PARP8: variants seen among roughly 807,000 people sequenced by gnomAD.
PARP8 encodes poly(ADP-ribose) polymerase family member 8, also known as protein mono-ADP-ribosyltransferase PARP8.
In PARP8, 51 loss-of-function variants were observed where a neutral mutation model predicts 124.1. The ratio of observed to expected loss-of-function variants is 0.41; its 90% CI spans 0.33 to 0.52. The LOEUF (loss-of-function observed/expected upper bound fraction) is 0.52, where lower values mean the gene tolerates loss of function less well. PARP8 is among the 20% of genes least tolerant of loss of function. PARP8 has a pLI of 0.21. For synonymous variants in PARP8, 391 were observed against 361.5 expected (o/e 1.08, Z -0.93); for missense variants, 860 against 1,018.9 (o/e 0.84, Z 2.12).
Position 50,755,583 on chromosome 5 carries a change from G to A in PARP8, c.185-4060G>A, listed in dbSNP as rs183718416. 9.2e-5 allele frequency among the ~76,000 whole-genome samples: 14 copies of A among 152,246 alleles called. 1 individual carries two copies. In the East Asian group the frequency reaches 2.5e-3, roughly 27 times the overall value. ...GTACCATACTGTTTTGGTTGCTGTAGCCTTATAGTATAGTTTGAAGTCAGG... is the reference window on the plus strand; with the variant it reads ...GTACCATACTGTTTTGGTTGCTGTAACCTTATAGTATAGTTTGAAGTCAGG... On this transcript the variant is annotated intron_variant, in intron 3 of 25. Transcript: ENST00000281631.
intron 2 of PARP8, among the ~76,000 whole-genome samples, chr5:50,672,159 G>C (rs1386841768): frequency 2.6e-5 from 4 of 152,172 alleles, no homozygotes; most frequent in Non-Finnish European, 5.9e-5. Flanking sequence ...TGCTAAGCCA[G>C]ATTCTCTGAG....
intron 2 of PARP8, among the ~76,000 whole-genome samples, chr5:50,677,283 T>C (rs971187453): frequency 3.3e-5 from 5 of 149,664 alleles, no homozygotes; most frequent in Non-Finnish European, 7.4e-5. Flanking sequence ...TCATCATTTC[T>C]CATTAAAATG....
At chr5:50,706,095 A>T (rs563325982) in intron 2 of PARP8, among the ~76,000 whole-genome samples, 3 of 152,294 alleles carry the variant, frequency 2.0e-5, no homozygotes, top group African/African-American at 7.2e-5. Flanking sequence ...TACTCGAGGT[A>T]GAAAGGTACT....
chr5:50,757,250 C>G (rs1261327121), intron 3 of PARP8: 1 of 438,056 alleles, frequency 2.3e-6, no homozygotes, highest in Admixed American at 2.5e-5. Flanking sequence ...TCCTAGAGAC[C>G]TATCAAGACT....
chr5:50,732,361 A>G (rs183995), intron 2 of PARP8, among the ~76,000 whole-genome samples: 151,552 of 152,324 alleles, frequency 0.99, 75,396 homozygotes, highest in Middle Eastern at 1. Context: ...TATATTACTT[A>G]TAATTTTTAA....
chr5:50,810,973 C>T lies in PARP8; in HGVS notation c.1576-4459C>T, dbSNP rs553130902. 4.6e-5 allele frequency among the ~76,000 whole-genome samples: 7 copies of T among 152,090 alleles called. No homozygotes were observed. In the East Asian group the frequency reaches 9.7e-4, roughly 21 times the overall value. ...GAACGTATTCCTTACTTTTACTTCT[C>T]GTTTTTTAGTATGATGGCAAAGTGT... On this transcript the variant is annotated intron_variant, in intron 14 of 25. Transcript: ENST00000281631.
chr5:50,696,764 CT>C (rs1170958038), intron 2 of PARP8, among the ~76,000 whole-genome samples: 1 of 152,066 alleles, frequency 6.6e-6, no homozygotes, highest in African/African-American at 2.4e-5. Context: ...ATTTGTACTT[CT>C]TTATCTGCTT....
chr5:50,825,502 C>G (rs1355388762), intron 18 of PARP8, among the ~76,000 whole-genome samples: 1 of 152,176 alleles, frequency 6.6e-6, no homozygotes, highest in East Asian at 1.9e-4. Context: ...AGTGTTACCC[C>G]AGCATGAATT....
intron 2 of PARP8, 187 bp downstream of exon 2, chr5:50,668,312 T>G: frequency 1.6e-6 from 1 of 608,522 alleles, no homozygotes. Context: ...CAATGTTTGA[T>G]TCAGGTGTTT....
intron 2 of PARP8, among the ~76,000 whole-genome samples, chr5:50,748,193 T>TTG (rs56898029): frequency 0.54 from 81,052 of 149,986 alleles, 23,351 homozygotes; most frequent in Non-Finnish European, 0.64. Context: ...TTTAAGCAGT[T>TTG]TGTGTGTGTG....
intron 2 of PARP8, among the ~76,000 whole-genome samples, chr5:50,720,105 A>G (rs1242613209): frequency 2.0e-5 from 3 of 152,102 alleles, no homozygotes; most frequent in Non-Finnish European, 4.4e-5. Flanking sequence ...CAATATGTTT[A>G]GGAAATCTTC....
intron 2 of PARP8, chr5:50,738,858 G>T (rs1757741151): frequency 3.2e-6 from 2 of 631,226 alleles, no homozygotes; most frequent in African/African-American, 3.6e-5. Context: ...ACAGTAAAAA[G>T]GATAGTTATT....
intron 2 of PARP8, among the ~76,000 whole-genome samples, chr5:50,712,842 T>G (rs948776077): frequency 7.4e-5 from 11 of 148,760 alleles, no homozygotes; most frequent in African/African-American, 2.7e-4. Flanking sequence ...GGAACAAGGT[T>G]TTTTTTTTTT....
intron 16 of PARP8, 106 bp from the exon 17 acceptor site, chr5:50,822,229 A>G (rs972438785): frequency 1.9e-5 from 15 of 800,296 alleles, no homozygotes; most frequent in Non-Finnish European, 3.0e-5. Flanking sequence ...AATTGACCCC[A>G]GTGGAAAATT....
chr5:50,757,908 G>A (rs1263441981), intron 3 of PARP8, among the ~76,000 whole-genome samples: 1 of 152,030 alleles, frequency 6.6e-6, no homozygotes, highest in East Asian at 1.9e-4. Context: ...TTGGTGGCCA[G>A]CTTTTGTTTC....
intron 11 of PARP8, 68 bp from the exon 12 acceptor site, chr5:50,794,785 G>A (rs1041759906): frequency 2.7e-5 from 38 of 1,385,848 alleles, no homozygotes; most frequent in Non-Finnish European, 3.8e-5. Context: ...GTTTGAGCAT[G>A]ACAAGCTTTC....
intron 2 of PARP8, among the ~76,000 whole-genome samples, chr5:50,685,174 C>G (rs1015938082): frequency 6.6e-6 from 1 of 152,274 alleles, no homozygotes; most frequent in Non-Finnish European, 1.5e-5. Flanking sequence ...TGCACAAGAG[C>G]TTGTATGTCT....
chr5:50,752,575 G>C (rs1307863945), intron 3 of PARP8, among the ~76,000 whole-genome samples: 1 of 151,802 alleles, frequency 6.6e-6, no homozygotes, highest in Non-Finnish European at 1.5e-5. Flanking sequence ...CATTTTTATT[G>C]TTCATATTTG....
intron 2 of PARP8, among the ~76,000 whole-genome samples, chr5:50,674,872 G>A (rs539207685): frequency 1.3e-5 from 2 of 152,254 alleles, no homozygotes; most frequent in Admixed American, 1.3e-4. Context: ...AACGTTTTAC[G>A]CATAGGAGGA....
Sources: gnomAD v4.1 joint callset for allele counts (sites outside exome capture counted in the v4.1 genomes callset) on GRCh38, gnomAD v4.1.1 for gene constraint, MANE v1.5 for transcripts, NCBI Gene and HGNC (gene_info 2026-07-23, HGNC 2026-07-21) for gene names.